The following ZNF367 variants were observed in gnomAD, a reference collection of about 807,000 sequenced individuals.
ZNF367 encodes zinc finger protein 367.
A neutral mutation model predicts 31.8 loss-of-function variants in ZNF367; 11 were observed. That is an observed-to-expected ratio of 0.35 (90% CI 0.22 to 0.57). The LOEUF is 0.57. Ranked by LOEUF, ZNF367 falls within the 20% of genes least tolerant of loss-of-function variation. The pLI, the probability that ZNF367 is intolerant of heterozygous loss-of-function variation, is 0.85. For missense variants in ZNF367, 353 were observed against 484.1 expected, an observed-to-expected ratio of 0.73 and a Z score of 2.54; for synonymous variants, 199 against 202.4, an observed-to-expected ratio of 0.98 and a Z score of 0.14.
intron 1 of ZNF367, among the ~76,000 whole-genome samples, chr9:96,414,990 T>C (rs78311339): frequency 6.6e-6 from 1 of 151,926 alleles, no homozygotes; most frequent in Admixed American, 6.6e-5. Flanking sequence ...TAATTTAGTG[T>C]TTTTTTTAAA....
At position 96,417,616 on chromosome 9, in the gene ZNF367, G is replaced by T; in HGVS notation, c.417C>A (p.Leu139=). 1 of 626,526 alleles carries T rather than the reference G, an allele frequency of 1.6e-6. No homozygotes were observed. Among genetic ancestry groups the T allele is most frequent in the Non-Finnish European group, 2.3e-6 (1 of 441,560 alleles). 38.8% of individuals were successfully genotyped at this position (626,526 alleles called of 1,614,324 possible). A position where few individuals can be genotyped will look rare whatever the true frequency, so the allele number is the denominator to read the frequency against. Residue 139 remains leucine (L), a synonymous_variant, in exon 1 of 5, where the codon CTC becomes CTA. Coordinates refer to ENST00000375256, the MANE Select transcript of ZNF367 (RefSeq NM_153695.4). The surrounding 1 kb of genome is among the most constrained non-coding windows in gnomAD (Gnocchi z 5.0). ...CCCGCCCGCCCGCGCCGCTCACCTT[G>T]AGGTGGCCGCTGTCTGGGCTGCTCG... ...EEASSPDSGH[L]KDGIRRGRPR... is the part of the protein sequence containing the mutation.
At chr9:96,411,851 G>A (rs1831755723) in intron 1 of ZNF367, among the ~76,000 whole-genome samples, 1 of 151,964 alleles carries the variant, frequency 6.6e-6, no homozygotes. Context: ...TTTTTGAGAT[G>A]GACTCTGGCT....
chr9:96,405,924 T>G (rs1831666499), intron 1 of ZNF367, among the ~76,000 whole-genome samples: 1 of 152,222 alleles, frequency 6.6e-6, no homozygotes, highest in African/African-American at 2.4e-5. Context: ...ACTAATTTAA[T>G]GTTATGTAAT....
At chr9:96,411,381 A>G (rs1202741370) in intron 1 of ZNF367, among the ~76,000 whole-genome samples, 1 of 151,004 alleles carries the variant, frequency 6.6e-6, no homozygotes, top group Non-Finnish European at 1.5e-5. Context: ...ACCCCTGTCT[A>G]CAAAAAAAAA....
At chr9:96,395,341 C>T (rs946360620) in intron 2 of ZNF367, among the ~76,000 whole-genome samples, 2 of 152,166 alleles carry the variant, frequency 1.3e-5, no homozygotes, top group Admixed American at 6.5e-5. Flanking sequence ...TCTTGTTTCT[C>T]CCCCTGCACA....
chr9:96,392,591 T>G, intron 3 of ZNF367, 55 bp from the exon 4 acceptor site: 2 of 1,531,768 alleles, frequency 1.3e-6, no homozygotes, highest in Non-Finnish European at 1.8e-6. Flanking sequence ...CACATAGACA[T>G]GTGGAAAACA....
At chr9:96,413,613 G>C (rs752932661) in intron 1 of ZNF367, among the ~76,000 whole-genome samples, 3 of 152,078 alleles carry the variant, frequency 2.0e-5, no homozygotes, top group Non-Finnish European at 2.9e-5. Context: ...GGGAGCCTTG[G>C]AACAACTTGT....
chr9:96,414,727 C>T (rs1396206505), intron 1 of ZNF367, among the ~76,000 whole-genome samples: 1 of 152,146 alleles, frequency 6.6e-6, no homozygotes, highest in African/African-American at 2.4e-5. Context: ...CAGCCAGCCT[C>T]GGCCTCCCAA....
chr9:96,404,251 G>A (rs1482142820), intron 1 of ZNF367, among the ~76,000 whole-genome samples: 1 of 151,932 alleles, frequency 6.6e-6, no homozygotes, highest in Non-Finnish European at 1.5e-5. Context: ...ACGAGGTCAG[G>A]AGATCAAGAC....
At chr9:96,410,225 C>G (rs1438931203) in intron 1 of ZNF367, among the ~76,000 whole-genome samples, 2 of 147,728 alleles carry the variant, frequency 1.4e-5, no homozygotes, top group African/African-American at 5.0e-5. Context: ...CACCACTGCA[C>G]TCCAGCCTGG....
chr9:96,401,412 GC>G (rs1338832331), intron 1 of ZNF367, among the ~76,000 whole-genome samples: 1 of 152,072 alleles, frequency 6.6e-6, no homozygotes, highest in Non-Finnish European at 1.5e-5. Flanking sequence ...TGTAATCCCA[GC>G]ACTTTGGGAA....
intron 1 of ZNF367, among the ~76,000 whole-genome samples, chr9:96,399,089 A>G (rs1336083404): frequency 6.6e-6 from 1 of 152,194 alleles, no homozygotes; most frequent in Non-Finnish European, 1.5e-5. Context: ...AAATTTGGGC[A>G]TTCAACAATG....
chr9:96,397,788 C>T (rs548462134), intron 2 of ZNF367, among the ~76,000 whole-genome samples: 3 of 152,044 alleles, frequency 2.0e-5, no homozygotes, highest in South Asian at 2.1e-4. Context: ...ATCAAATCAG[C>T]ATTCAGTTAA....
rs538327224 is a variant in ZNF367 at position 96,408,987 on chromosome 9, T to A, written c.420+8626A>T. ...TGGAGGCGGAGCCTAGTGGAACGTGTCTGGGTCATAAAGACAGATCCCTCA... is the reference window on the plus strand; with the variant it reads ...TGGAGGCGGAGCCTAGTGGAACGTGACTGGGTCATAAAGACAGATCCCTCA... On this transcript the variant is annotated intron_variant, in intron 1 of 4. Transcript: ENST00000375256. Among the ~76,000 whole-genome samples, 4 of 152,338 alleles carry A rather than the reference T, an allele frequency of 2.6e-5. 1 individual carries two copies. In the South Asian group the frequency reaches 8.3e-4, roughly 32 times the overall value.
chr9:96,405,554 C>T (rs1258182110), intron 1 of ZNF367, among the ~76,000 whole-genome samples: 4 of 151,604 alleles, frequency 2.6e-5, no homozygotes, highest in African/African-American at 9.7e-5. Context: ...AGTTTTGTAT[C>T]GATATCATAT....
At chr9:96,393,475 C>T (rs1831495857) in intron 3 of ZNF367, among the ~76,000 whole-genome samples, 1 of 150,536 alleles carries the variant, frequency 6.6e-6, no homozygotes, top group Admixed American at 6.6e-5. Flanking sequence ...GAGCCAAGAT[C>T]GTGCCACTGT....
intron 1 of ZNF367, among the ~76,000 whole-genome samples, chr9:96,409,218 C>T (rs148408753): frequency 2.6e-3 from 394 of 152,324 alleles, no homozygotes; most frequent in African/African-American, 9.1e-3. Context: ...GCCTGCAGAA[C>T]TACAACCCAA....
intron 3 of ZNF367, among the ~76,000 whole-genome samples, chr9:96,392,902 C>A (rs1197716185): frequency 1.3e-5 from 2 of 152,072 alleles, no homozygotes; most frequent in African/African-American, 2.4e-5. Flanking sequence ...CTGGCCAACA[C>A]GGCAAAATGC....
intron 1 of ZNF367, among the ~76,000 whole-genome samples, chr9:96,413,366 A>C (rs911705290): frequency 6.6e-6 from 1 of 152,234 alleles, no homozygotes; most frequent in African/African-American, 2.4e-5. Flanking sequence ...CTCAAACATT[A>C]CTATTCATAA....
Sources: gnomAD v4.1 joint callset for allele counts (sites outside exome capture counted in the v4.1 genomes callset) on GRCh38, gnomAD v4.1.1 for gene constraint, Gnocchi (gnomAD v3.1) non-coding constraint, MANE v1.5 for transcripts, NCBI Gene and HGNC (gene_info 2026-07-23, HGNC 2026-07-21) for gene names.